RGS16: variants seen among roughly 807,000 people sequenced by gnomAD.
The protein encoded by RGS16 is regulator of G protein signaling 16.
RGS16 carries 12 observed loss-of-function variants against 18.1 expected under a neutral mutation model. The observed-to-expected ratio is 0.66, with a 90% CI of 0.42 to 1.07. RGS16 has a LOEUF of 1.07. Ranked by LOEUF, RGS16 falls within the 50% of genes least tolerant of loss-of-function variation. The probability of loss-of-function intolerance (pLI) is 0.00; values close to 1 mark genes in which losing one functional copy is unlikely to be tolerated. For missense variants in RGS16, 238 were observed against 249.2 expected (o/e 0.95, Z 0.30); for synonymous variants, 88 against 102.0 (o/e 0.86, Z 0.83).
At chr1:182,600,547 G>A in intron 4 of RGS16, 34 bp from the exon 5 acceptor site, 2 of 1,596,170 alleles carry the variant, frequency 1.3e-6, no homozygotes, top group Non-Finnish European at 8.6e-7. Context: ...GGGTGAGTTG[G>A]GGAAGAGGGT....
rs200505917 is a variant in RGS16, at chr1:182,602,168, T to C, written c.221-36A>G. ...GGGAAAGAAGAGGAAATAGGTCAGC[T>C]GGAGGGACAGCAGGGAATACAAGAA... is the stretch of plus-strand genomic sequence containing the variant. On this transcript the variant is annotated intron_variant, in intron 3 of 4. Coordinates refer to ENST00000367558, the MANE Select transcript of RGS16 (RefSeq NM_002928.4). The C allele has an allele frequency of 2.2e-5, 36 of 1,606,530 alleles. 1 individual carries two copies. The African/African-American group carries it at 2.8e-4, about 13-fold the overall frequency.
rs900406085 is a variant in RGS16, at chr1:182,599,263, C to T, written c.*1029G>A. 2 of 152,288 alleles carry T rather than the reference C, an allele frequency of 1.3e-5. No homozygotes were observed. The highest frequency in any genetic ancestry group is 2.9e-5 in the Non-Finnish European group (2 of 68,102). 9.4% of individuals were successfully genotyped at this position (152,288 alleles called of 1,614,324 possible). ...GAAACACAAGGCTCCCCTTCTATCT[C>T]GGGGCATCTCTTTTTGCCTGTTCTC... is the stretch of plus-strand genomic sequence containing the variant. On this transcript the variant is annotated 3_prime_UTR_variant, in exon 5 of 5. Coordinates refer to ENST00000367558, the MANE Select transcript of RGS16 (RefSeq NM_002928.4).
chr1:182,601,763 A>T (rs1571278728), intron 4 of RGS16: 1 of 614,954 alleles, frequency 1.6e-6, no homozygotes, highest in East Asian at 2.8e-5. Context: ...ATCCTGCCCC[A>T]TCATGAGTCT....
At chr1:182,600,869 T>G (rs1018828882) in intron 4 of RGS16, among the ~76,000 whole-genome samples, 1 of 152,186 alleles carries the variant, frequency 6.6e-6, no homozygotes, top group African/African-American at 2.4e-5. Context: ...CCCCTGTGGT[T>G]TGTTCTCTAC....
intron 3 of RGS16, 71 bp from the exon 4 acceptor site, chr1:182,602,203 G>T: frequency 6.7e-7 from 1 of 1,503,526 alleles, no homozygotes; most frequent in African/African-American, 1.4e-5. Flanking sequence ...AGAAAGGAAA[G>T]CAATTGCAAT....
At chr1:182,603,958 G>A (rs1367228477) in intron 1 of RGS16, among the ~76,000 whole-genome samples, 1 of 152,210 alleles carries the variant, frequency 6.6e-6, no homozygotes, top group Admixed American at 6.5e-5. Flanking sequence ...CCCGCAGCCG[G>A]GTCTTCAGCA....
chr1:182,602,630 C>G (rs1661885647), intron 2 of RGS16, 146 bp from the exon 3 acceptor site: 6 of 701,002 alleles, frequency 8.6e-6, no homozygotes, highest in African/African-American at 7.2e-5. Flanking sequence ...ACACCTCAAA[C>G]TCTTAGTTGG....
chr1:182,602,259 C>A (rs1557866183), intron 3 of RGS16, 127 bp from the exon 4 acceptor site: 1 of 1,176,064 alleles, frequency 8.5e-7, no homozygotes, highest in South Asian at 1.3e-5. Flanking sequence ...CAATGACCTG[C>A]CTTTATATGT....
Position 182,600,427 on chromosome 1 carries a change from C to A in RGS16, c.474G>T (p.Lys158Asn), listed in dbSNP as rs1269824578. The change falls in exon 5 of 5, where the codon AAG becomes AAT. Residue 158 changes from lysine (K) to asparagine (N), a missense_variant. By Grantham distance (94) the Lys-to-Asn change is moderately conservative. Transcript: ENST00000367558. The part of the protein sequence containing the change: ...TATCFDAAQG[K>N]TRTLMEKDSY... ...AGTCCTTCTCCATCAGGGTACGTGT[C>A]TTCCCCTGAGCCGCATCAAAGCATG... 16 of 1,614,080 alleles carry A rather than the reference C, an allele frequency of 9.9e-6. No homozygotes were observed. In the Middle Eastern group the frequency reaches 6.6e-4, roughly 67 times the overall value.
In RGS16 at chr1:182,604,231, G is replaced by C; in HGVS notation, c.29C>G (p.Thr10Ser). The change falls in exon 1 of 5, where the codon ACC becomes AGC. Residue 10 changes from threonine to serine, a missense_variant. By Grantham distance (58) the Thr-to-Ser change is moderately conservative (BLOSUM62 1). Coordinates refer to ENST00000367558, the MANE Select transcript of RGS16 (RefSeq NM_002928.4). MCRTLAAFPTTCLERAKEFK... is the reference protein window; with the variant it reads MCRTLAAFPSTCLERAKEFK... The stretch of plus-strand genomic sequence containing the variant: ...CTCCCCTTACCTCTCCAGGCAGGTG[G>C]TGGGGAAGGCGGCCAGGGTGCGGCA... 1 of 1,552,094 alleles carries C rather than the reference G, an allele frequency of 6.4e-7. No homozygotes were observed. Among genetic ancestry groups the C allele is most frequent in the Admixed American group, 2.0e-5 (1 of 51,100 alleles).
Position 182,600,185 on chromosome 1 carries a change from C to CTTTTTT in RGS16, c.*106_*107insAAAAAA. ...TTTTTTTTTTTTTTTTTTTTTTTGT[C>CTTTTTT]CTCTTGCACTTGCTTTGCAGAACCT... On this transcript the variant is annotated 3_prime_UTR_variant, in exon 5 of 5. Transcript: ENST00000367558. The CTTTTTT allele has an allele frequency of 4.9e-6, 1 of 205,138 alleles. No individual in the cohort carries two copies. Among genetic ancestry groups the CTTTTTT allele is most frequent in the South Asian group, 8.5e-5 (1 of 11,754 alleles). The allele number at this position is 205,138 out of a possible 1,614,324, so 12.7% of individuals were successfully genotyped here.
chr1:182,601,007 G>A (rs1661855225), intron 4 of RGS16, among the ~76,000 whole-genome samples: 1 of 152,204 alleles, frequency 6.6e-6, no homozygotes, highest in Non-Finnish European at 1.5e-5. Flanking sequence ...CCCACACCTG[G>A]CCATCCTCCT....
rs538042809 is a variant in RGS16, at chr1:182,602,650, A to T, written c.156-166T>A. Among the ~76,000 whole-genome samples the T allele has an allele frequency of 2.6e-4, 39 of 152,346 alleles. No individual in the cohort carries two copies. The South Asian group carries it at 8.1e-3, about 32-fold the overall frequency. The stretch of plus-strand genomic sequence containing the variant: ...TCAAACTCTTAGTTGGACTTAGGGT[A>T]AGCAGTAGTGCTTTCTAGAGCACAA... On this transcript the variant is annotated intron_variant, in intron 2 of 4. Coordinates refer to ENST00000367558, the MANE Select transcript of RGS16 (RefSeq NM_002928.4).
At position 182,600,165 on chromosome 1, in the gene RGS16, T is replaced by A; in HGVS notation, c.*127A>T. The stretch of plus-strand genomic sequence containing the variant: ...CAGGCTGCTGGAGCGCATTTTTTTT[T>A]TTTTTTTTTTTTTTTTTGTCCTCTT... On this transcript the variant is annotated 3_prime_UTR_variant, in exon 5 of 5. Coordinates refer to ENST00000367558, the MANE Select transcript of RGS16 (RefSeq NM_002928.4). 1.9e-6 allele frequency: 1 copy of A among 514,964 alleles called. No individual in the cohort carries two copies. The highest frequency in any genetic ancestry group is 3.5e-5 in the Admixed American group (1 of 28,822). 31.9% of individuals were successfully genotyped at this position (514,964 alleles called of 1,614,324 possible).
At position 182,604,290 on chromosome 1, in the gene RGS16, C is replaced by T. The variant is rs1425387283; in HGVS notation, c.-31G>A. 2.6e-6 allele frequency: 4 copies of T among 1,543,206 alleles called. No homozygotes were observed. The Admixed American group carries it at 6.0e-5, about 23-fold the overall frequency. On this transcript the variant is annotated 5_prime_UTR_variant, in exon 1 of 5. Transcript: ENST00000367558. ...CGGGCGCAGGGCAGCACGTAGTAGG[C>T]AGGATGGTGGCAGGCTCCAGGAGGC...
Position 182,601,980 on chromosome 1 carries a change from C to T in RGS16, c.373G>A (p.Glu125Lys). Reference protein sequence around the residue: ...HQIFEEFICSEAPKEVNIDHE... With the variant: ...HQIFEEFICSKAPKEVNIDHE... ...GGGGCTCTAACCTCTTTAGGGGCCT[C>T]ACTGCAAATGAACTCCTCAAAGATC... is the stretch of plus-strand genomic sequence containing the variant. The change falls in exon 4 of 5, where the codon GAG (glutamate) becomes AAG (lysine). Residue 125 changes from glutamate to lysine, a missense_variant. Coordinates refer to ENST00000367558, the MANE Select transcript of RGS16 (RefSeq NM_002928.4). 2 of 1,614,158 alleles carry T rather than the reference C, an allele frequency of 1.2e-6. No individual in the cohort carries two copies. The highest frequency in any genetic ancestry group is 1.7e-6 in the Non-Finnish European group (2 of 1,180,028).
chr1:182,602,612 T>C, intron 2 of RGS16, 128 bp from the exon 3 acceptor site: 1 of 766,700 alleles, frequency 1.3e-6, no homozygotes, highest in Non-Finnish European at 2.2e-6. Flanking sequence ...TGGTGATTGC[T>C]GAAGCTGACA....
chr1:182,603,080 C>T (rs1661893381), intron 2 of RGS16, 149 bp downstream of exon 2: 2 of 670,626 alleles, frequency 3.0e-6, no homozygotes, highest in South Asian at 1.8e-5. Context: ...GTAGTCATAA[C>T]AGACCAGCAA....
rs573833275 is a variant in RGS16, at chr1:182,600,241, A to G, written c.*51T>C. 1 of 1,360,620 alleles carries G rather than the reference A, an allele frequency of 7.3e-7. No individual in the cohort carries two copies. The highest frequency in any genetic ancestry group is 1.7e-5 in the African/African-American group (1 of 58,464). The allele number at this position is 1,360,620 out of a possible 1,614,324, so 84.3% of individuals were successfully genotyped here. A position where few individuals can be genotyped will look rare whatever the true frequency, so the allele number is the denominator to read the frequency against. On this transcript the variant is annotated 3_prime_UTR_variant, in exon 5 of 5. Coordinates refer to ENST00000367558, the MANE Select transcript of RGS16 (RefSeq NM_002928.4). The stretch of plus-strand genomic sequence containing the variant: ...CCACACAGGGGCAGCCACCTCGGGG[A>G]TGGGTGACTCAACCTCTCTTCCCGG...
Sources: gnomAD v4.1 joint callset for allele counts (sites outside exome capture counted in the v4.1 genomes callset) on GRCh38, gnomAD v4.1.1 for gene constraint, MANE v1.5 for transcripts, NCBI Gene and HGNC (gene_info 2026-07-23, HGNC 2026-07-21) for gene names.